The following VEPH1 variants were observed in gnomAD, a reference collection of about 807,000 sequenced individuals.
VEPH1 encodes ventricular zone-expressed PH domain-containing protein homolog 1.
A neutral mutation model predicts 85.2 loss-of-function variants in VEPH1; 80 were observed. That is an observed-to-expected ratio of 0.94 (90% CI 0.78 to 1.13). The LOEUF (loss-of-function observed/expected upper bound fraction) is 1.13. Ranked by LOEUF, VEPH1 falls within the 50% of genes most tolerant of loss-of-function variation. The pLI is 0.00. For missense variants in VEPH1, 955 were observed against 980.5 expected, an observed-to-expected ratio of 0.97 and a Z score of 0.35; for synonymous variants, 297 against 348.0, an observed-to-expected ratio of 0.85 and a Z score of 1.63.
chr3:157,317,265 A>C, intron 9 of VEPH1, 64 bp from the exon 10 acceptor site: 10 of 1,404,718 alleles, frequency 7.1e-6, no homozygotes, highest in Non-Finnish European at 9.4e-6. Context: ...TTATATTGAT[A>C]CTTCAACACA....
intron 6 of VEPH1, among the ~76,000 whole-genome samples, chr3:157,389,761 A>G (rs1414800001): frequency 1.3e-5 from 2 of 152,186 alleles, no homozygotes; most frequent in East Asian, 3.8e-4. Context: ...CTGTAAAAGG[A>G]AAAAGATTTT....
chr3:157,279,439 A>G (rs1351734294), intron 12 of VEPH1, among the ~76,000 whole-genome samples: 1 of 152,154 alleles, frequency 6.6e-6, no homozygotes, highest in Non-Finnish European at 1.5e-5. Flanking sequence ...GAGAGGGTTG[A>G]GTCATGAGAA....
rs530956722 is a variant in VEPH1, at chr3:157,478,609, A to G, written c.139-8080T>C. On this transcript the variant is annotated intron_variant, in intron 2 of 13. Transcript: ENST00000362010. ...TAGAACTCAGTCTCCATGCTAAGAA[A>G]GTAATGAATTATCAGAGAATTTTGA... Among the ~76,000 whole-genome samples, 74 of 152,344 alleles carry G rather than the reference A, an allele frequency of 4.9e-4. 1 individual carries two copies. The highest frequency in any genetic ancestry group is 7.8e-4 in the Non-Finnish European group (53 of 68,026).
chr3:157,495,772 CCTTCT>C (rs1247150378), intron 1 of VEPH1, among the ~76,000 whole-genome samples: 1 of 152,208 alleles, frequency 6.6e-6, no homozygotes, highest in Non-Finnish European at 1.5e-5. Flanking sequence ...CTTTCTACAT[CCTTCT>C]CTTCTCTCCA....
rs778188616 is a variant in VEPH1 at position 157,442,614 on chromosome 3, A to G, written c.530-14126T>C. ...GGAGAACAAACTGGTTGCTGAAGCC[A>G]TGGTTTCCCTGGGAAGGTGGACCCA... On this transcript the variant is annotated intron_variant, in intron 4 of 13. Transcript: ENST00000362010. 12 of 1,614,128 alleles carry G rather than the reference A, an allele frequency of 7.4e-6. No individual in the cohort carries two copies. Among genetic ancestry groups the G allele is most frequent in the Middle Eastern group, 1.6e-4 (1 of 6,084 alleles).
intron 9 of VEPH1, among the ~76,000 whole-genome samples, chr3:157,354,583 T>C (rs1477895668): frequency 1.4e-4 from 21 of 152,168 alleles, no homozygotes; most frequent in Admixed American, 1.4e-3. Flanking sequence ...TAGAGAGACC[T>C]TCCCCTGTTA....
intron 6 of VEPH1, among the ~76,000 whole-genome samples, chr3:157,387,449 C>T (rs1475856153): frequency 1.3e-5 from 2 of 152,216 alleles, no homozygotes; most frequent in Admixed American, 1.3e-4. Flanking sequence ...ATAGTAACTT[C>T]ACTAAAGTTG....
At chr3:157,427,993 G>T (rs1350312076) in intron 5 of VEPH1, among the ~76,000 whole-genome samples, 1 of 152,208 alleles carries the variant, frequency 6.6e-6, no homozygotes, top group Non-Finnish European at 1.5e-5. Flanking sequence ...GCCTGATTTT[G>T]TGAGCTGGAA....
At chr3:157,284,024 G>C (rs1166361897) in intron 12 of VEPH1, among the ~76,000 whole-genome samples, 1 of 152,170 alleles carries the variant, frequency 6.6e-6, no homozygotes. Flanking sequence ...CAGGTAAGTG[G>C]ATCAAGCCTT....
At chr3:157,470,572 A>T in intron 2 of VEPH1, 43 bp from the exon 3 acceptor site, 2 of 1,591,694 alleles carry the variant, frequency 1.3e-6, no homozygotes, top group Non-Finnish European at 1.7e-6. Flanking sequence ...TACTCTAGAA[A>T]GTTATCCTTC....
chr3:157,460,139 A>G (rs533423953), intron 4 of VEPH1, 42 bp downstream of exon 4: 54 of 1,614,050 alleles, frequency 3.3e-5, no homozygotes, highest in Non-Finnish European at 2.0e-5. Context: ...ACTTTTAAAT[A>G]TCTCCCAAAA....
intron 4 of VEPH1, among the ~76,000 whole-genome samples, chr3:157,436,450 G>C (rs1027170265): frequency 1.3e-5 from 2 of 152,164 alleles, no homozygotes; most frequent in Non-Finnish European, 2.9e-5. Context: ...AGGAAACATG[G>C]AAAGTTTTCT....
intron 7 of VEPH1, among the ~76,000 whole-genome samples, chr3:157,369,707 C>T (rs1727274361): frequency 6.6e-6 from 1 of 152,298 alleles, no homozygotes. Flanking sequence ...CATAAACATT[C>T]CCTTTCCTTT....
chr3:157,479,378 T>C (rs182825568), intron 2 of VEPH1, among the ~76,000 whole-genome samples: 1 of 152,284 alleles, frequency 6.6e-6, no homozygotes, highest in Admixed American at 6.5e-5. Flanking sequence ...AAGCCACAAA[T>C]TGTGCTGCTC....
In VEPH1 at chr3:157,376,053, GC is replaced by G. The variant is rs531372302; in HGVS notation, c.1127+5102del. 9.9e-5 allele frequency among the ~76,000 whole-genome samples: 15 copies of G among 152,220 alleles called. No homozygotes were observed. In the East Asian group the frequency reaches 1.9e-3, roughly 20 times the overall value. ...CTTCCTCTACCCTCCTCTGCCCCAGGCCTGTGTCAGGACCCTTTCTCCTTTT... is the reference window on the plus strand; with the variant it reads ...CTTCCTCTACCCTCCTCTGCCCCAGGCTGTGTCAGGACCCTTTCTCCTTTT... On this transcript the variant is annotated intron_variant, in intron 7 of 13. Coordinates refer to ENST00000362010, the MANE Select transcript of VEPH1 (RefSeq NM_001167912.2).
At chr3:157,349,888 T>C (rs1298974260) in intron 9 of VEPH1, among the ~76,000 whole-genome samples, 8 of 152,014 alleles carry the variant, frequency 5.3e-5, no homozygotes, top group South Asian at 2.1e-4. Context: ...TACAAACAAA[T>C]GGAAAGACAT....
intron 11 of VEPH1, among the ~76,000 whole-genome samples, chr3:157,296,860 C>T (rs749363700): frequency 2.0e-5 from 3 of 152,242 alleles, no homozygotes; most frequent in Non-Finnish European, 2.9e-5. Flanking sequence ...TTTTAATGCA[C>T]TCCTCAAACT....
intron 11 of VEPH1, among the ~76,000 whole-genome samples, chr3:157,292,295 T>A (rs994755993): frequency 1.3e-5 from 2 of 152,182 alleles, no homozygotes; most frequent in African/African-American, 4.8e-5. Flanking sequence ...TAATCCTATG[T>A]CTTTCAAAGC....
chr3:157,357,979 G>C (rs757937621), intron 9 of VEPH1, among the ~76,000 whole-genome samples: 4 of 152,180 alleles, frequency 2.6e-5, no homozygotes, highest in Non-Finnish European at 5.9e-5. Flanking sequence ...CCAGTGATTT[G>C]TTGTTACACG....
Sources: gnomAD v4.1 joint callset for allele counts (sites outside exome capture counted in the v4.1 genomes callset) on GRCh38, gnomAD v4.1.1 for gene constraint, MANE v1.5 for transcripts, NCBI Gene and HGNC (gene_info 2026-07-23, HGNC 2026-07-21) for gene names.